CSGALNACT1: variants seen among roughly 807,000 people sequenced by gnomAD.
CSGALNACT1 encodes chondroitin sulfate N-acetylgalactosaminyltransferase 1.
In CSGALNACT1, 52 loss-of-function variants were observed where a neutral mutation model predicts 51.0. The observed-to-expected ratio is 1.02, with a 90% confidence interval of 0.82 to 1.29. CSGALNACT1 has a LOEUF of 1.29. CSGALNACT1 is among the 50% of genes most tolerant of loss of function. CSGALNACT1 has a pLI of 0.00. For synonymous variants in CSGALNACT1, 341 were observed against 254.4 expected (o/e 1.34, Z -3.24); for missense variants, 935 against 679.2 (o/e 1.38, Z -4.19).
chr8:19,430,874 G>A lies in CSGALNACT1; in HGVS notation c.953+8956C>T, dbSNP rs534119668. On this transcript the variant is annotated intron_variant, in intron 6 of 9. Transcript: ENST00000454498. ...TAATTCCTTTCAAAGTTGTGTTGTA[G>A]TTTTCAGCATAAAATTCTTGCACTT... Among the ~76,000 whole-genome samples, 4 of 152,148 alleles carry A rather than the reference G, an allele frequency of 2.6e-5. No individual in the cohort carries two copies. In the South Asian group the frequency reaches 6.2e-4, roughly 24 times the overall value.
chr8:19,632,343 C>G (rs1310066184), intron 1 of CSGALNACT1, among the ~76,000 whole-genome samples: 1 of 152,250 alleles, frequency 6.6e-6, no homozygotes, highest in African/African-American at 2.4e-5. Flanking sequence ...CATGTAAAAA[C>G]AAGCGCTTTC....
intron 1 of CSGALNACT1, among the ~76,000 whole-genome samples, chr8:19,628,440 C>T (rs2054741408): frequency 6.6e-6 from 1 of 152,198 alleles, no homozygotes; most frequent in South Asian, 2.1e-4. Flanking sequence ...CACCAGGTCC[C>T]TCCCTTGATA....
intron 4 of CSGALNACT1, among the ~76,000 whole-genome samples, chr8:19,472,771 A>G (rs901607157): frequency 6.6e-6 from 1 of 152,270 alleles, no homozygotes; most frequent in Non-Finnish European, 1.5e-5. Flanking sequence ...TTTCCAAAGC[A>G]TATCAGAAAA....
chr8:19,613,708 CTT>C (rs1449834363), intron 1 of CSGALNACT1, among the ~76,000 whole-genome samples: 1 of 152,202 alleles, frequency 6.6e-6, no homozygotes, highest in East Asian at 1.9e-4. Context: ...GCCCCTGTGA[CTT>C]TTATTATAAA....
At chr8:19,456,257 G>T (rs570754411) in intron 5 of CSGALNACT1, among the ~76,000 whole-genome samples, 1 of 152,248 alleles carries the variant, frequency 6.6e-6, no homozygotes, top group Admixed American at 6.5e-5. Flanking sequence ...TCAGGCCCAG[G>T]AGTCCTACAG....
intron 1 of CSGALNACT1, among the ~76,000 whole-genome samples, chr8:19,705,392 G>A (rs78901189): frequency 0.019 from 2,851 of 152,248 alleles, 97 homozygotes; most frequent in African/African-American, 0.066. Context: ...TCAATGACAT[G>A]TTTTTGAATA....
chr8:19,720,222 T>C (rs2063042092), intron 1 of CSGALNACT1, among the ~76,000 whole-genome samples: 1 of 152,204 alleles, frequency 6.6e-6, no homozygotes, highest in South Asian at 2.1e-4. Flanking sequence ...TTTTAGGTTT[T>C]CCATTACAGG....
In CSGALNACT1 at chr8:19,690,414, T is replaced by G. The variant is rs116299582; in HGVS notation, c.-297+67436A>C. 7.5e-3 allele frequency among the ~76,000 whole-genome samples: 1,139 copies of G among 152,246 alleles called. 15 individuals carry two copies. The highest frequency in any genetic ancestry group is 0.026 in the African/African-American group (1,092 of 41,562). ...CTCTACTTTGGGCCTTAACATTCTG[T>G]TTCTGCTAAGAAAAAAAAATGACAA... On this transcript the variant is annotated intron_variant, in intron 1 of 1. Coordinates refer to the CSGALNACT1 transcript ENST00000517494.
At chr8:19,534,212 G>A (rs939127773) in intron 3 of CSGALNACT1, among the ~76,000 whole-genome samples, 15 of 152,146 alleles carry the variant, frequency 9.9e-5, no homozygotes, top group East Asian at 9.6e-4. Flanking sequence ...AGCACTTTGG[G>A]AGGCCAAGGC....
intron 4 of CSGALNACT1, among the ~76,000 whole-genome samples, chr8:19,501,024 C>A (rs1275799203): frequency 6.6e-6 from 1 of 151,990 alleles, no homozygotes; most frequent in Non-Finnish European, 1.5e-5. Context: ...CTGAGATGGG[C>A]CGATCACTTG....
chr8:19,688,181 G>A (rs1314644304), intron 1 of CSGALNACT1, among the ~76,000 whole-genome samples: 2 of 152,130 alleles, frequency 1.3e-5, no homozygotes, highest in Non-Finnish European at 2.9e-5. Context: ...GGGCCTTCTT[G>A]AAGCCCTGTG....
intron 8 of CSGALNACT1, among the ~76,000 whole-genome samples, chr8:19,416,365 G>A (rs990923910): frequency 4.6e-5 from 7 of 151,928 alleles, no homozygotes; most frequent in South Asian, 2.1e-4. Context: ...CACCTGCTTC[G>A]GCCTCCCAAA....
At chr8:19,561,827 AGAG>A (rs2040792715) in intron 3 of CSGALNACT1, among the ~76,000 whole-genome samples, 1 of 152,216 alleles carries the variant, frequency 6.6e-6, no homozygotes, top group Non-Finnish European at 1.5e-5. Context: ...TACAGGGAGA[AGAG>A]GAGAAGTCAG....
chr8:19,752,064 T>G (rs2154253905), intron 1 of CSGALNACT1, among the ~76,000 whole-genome samples: 1 of 86,024 alleles, frequency 1.2e-5, no homozygotes, highest in Admixed American at 1.2e-4. Context: ...AACAATATAT[T>G]TTTATATGAT....
chr8:19,452,653 G>A (rs1563473209), intron 5 of CSGALNACT1, among the ~76,000 whole-genome samples: 1 of 152,148 alleles, frequency 6.6e-6, no homozygotes, highest in Non-Finnish European at 1.5e-5. Flanking sequence ...ATGAGCAAGT[G>A]AGCAAGTGAG....
At chr8:19,433,778 A>T (rs1189794256) in intron 6 of CSGALNACT1, among the ~76,000 whole-genome samples, 1 of 152,234 alleles carries the variant, frequency 6.6e-6, no homozygotes, top group Non-Finnish European at 1.5e-5. Context: ...TTTAAACATT[A>T]CGAGATTTTA....
chr8:19,458,186 G>T (rs1409553294), intron 5 of CSGALNACT1, among the ~76,000 whole-genome samples: 1 of 152,170 alleles, frequency 6.6e-6, no homozygotes, highest in Non-Finnish European at 1.5e-5. Flanking sequence ...GTAGATCCTG[G>T]TGAAAACCCA....
At chr8:19,693,330 T>G (rs2061424170) in intron 1 of CSGALNACT1, among the ~76,000 whole-genome samples, 1 of 152,014 alleles carries the variant, frequency 6.6e-6, no homozygotes, top group South Asian at 2.1e-4. Flanking sequence ...AACACCCCCA[T>G]GCAGATGCAG....
intron 1 of CSGALNACT1, among the ~76,000 whole-genome samples, chr8:19,748,236 G>C (rs964698467): frequency 6.6e-6 from 1 of 152,152 alleles, no homozygotes; most frequent in Non-Finnish European, 1.5e-5. Flanking sequence ...GTAGCCAGGG[G>C]ACATTAGGAA....
Sources: allele counts gnomAD v4.1 joint callset (sites outside exome capture counted in the v4.1 genomes callset), GRCh38; gene constraint gnomAD v4.1.1; transcripts MANE v1.5; gene names NCBI Gene and HGNC (gene_info 2026-07-23, HGNC 2026-07-21).